Variants in RAB5C observed in about 807,000 individuals in gnomAD.
RAB5C encodes the protein ras-related protein Rab-5C.
Under a neutral mutation model 25.2 loss-of-function variants are expected in RAB5C, and 4 were observed. That is an observed-to-expected ratio of 0.16 (90% CI 0.08 to 0.36). The LOEUF is 0.36. Ranked by LOEUF, RAB5C falls within the 10% of genes least tolerant of loss-of-function variation. RAB5C has a pLI of 1.00. For synonymous variants in RAB5C, 100 were observed against 106.4 expected (o/e 0.94, Z 0.37); for missense variants, 199 against 283.8 (o/e 0.70, Z 2.15).
chr17:42,146,203 A>G (rs1417667756), intron 1 of RAB5C, among the ~76,000 whole-genome samples: 2 of 152,184 alleles, frequency 1.3e-5, no homozygotes, highest in African/African-American at 4.8e-5. Flanking sequence ...AGAGGAGCCT[A>G]AAGAGACAAT....
chr17:42,152,639 C>T (rs924192434), intron 1 of RAB5C, among the ~76,000 whole-genome samples: 6 of 151,694 alleles, frequency 4.0e-5, no homozygotes, highest in South Asian at 4.2e-4. Flanking sequence ...ATTAGCTGGG[C>T]GTGGTGGTGC....
At chr17:42,132,347 T>C (rs2054494314) in intron 1 of RAB5C, among the ~76,000 whole-genome samples, 1 of 152,128 alleles carries the variant, frequency 6.6e-6, no homozygotes, top group South Asian at 2.1e-4. Flanking sequence ...GGGTGGTGGG[T>C]CTCAATTAGC....
chr17:42,153,400 G>C (rs1263550288), intron 1 of RAB5C, among the ~76,000 whole-genome samples: 1 of 152,138 alleles, frequency 6.6e-6, no homozygotes, highest in East Asian at 1.9e-4. Context: ...CTGGGCGACA[G>C]AGCAAGACTC....
intron 1 of RAB5C, 146 bp from the exon 2 acceptor site, chr17:42,130,736 G>C (rs925158881): frequency 3.1e-6 from 3 of 977,858 alleles, no homozygotes; most frequent in African/African-American, 3.3e-5. Flanking sequence ...CTCCCCACTA[G>C]AGGTCAGGAG....
rs2054409983 is a variant in RAB5C at position 42,125,520 on chromosome 17, A to AG, written c.*262dup. On this transcript the variant is annotated 3_prime_UTR_variant, in exon 6 of 6. Transcript: ENST00000346213. ...AAGGGAAAATGGGAGAGCAGTAGAA[A>AG]GGGGAGGAAGTGGGAAGAGCAGAAG... 9.9e-6 allele frequency: 4 copies of AG among 405,400 alleles called. No homozygotes were observed. 25.1% of individuals were successfully genotyped at this position (405,400 alleles called of 1,614,324 possible). A position where few individuals can be genotyped will look rare whatever the true frequency, so the allele number is the denominator to read the frequency against.
chr17:42,131,082 G>A (rs943113877), intron 1 of RAB5C, among the ~76,000 whole-genome samples: 1 of 152,164 alleles, frequency 6.6e-6, no homozygotes, highest in African/African-American at 2.4e-5. Context: ...AAGAGGTCCT[G>A]GTAGAAAGCT....
chr17:42,140,501 ATATATATATATATATTTTTTTTT>A (rs1214787092), intron 1 of RAB5C, among the ~76,000 whole-genome samples: 1,224 of 50,974 alleles, frequency 0.024, 22 homozygotes, highest in African/African-American at 0.13. Context: ...ATATATATAT[ATATATATATATATATTTTTTTTT>A]TTTTTTTTTT....
chr17:42,139,782 C>A (rs928445904), intron 1 of RAB5C, among the ~76,000 whole-genome samples: 1 of 152,184 alleles, frequency 6.6e-6, no homozygotes, highest in African/African-American at 2.4e-5. Flanking sequence ...AATCTTTCTG[C>A]AGCCCAGAAC....
chr17:42,153,225 G>A (rs896436660), intron 1 of RAB5C, among the ~76,000 whole-genome samples: 5 of 152,114 alleles, frequency 3.3e-5, no homozygotes, highest in African/African-American at 7.2e-5. Flanking sequence ...AGACCAGCCC[G>A]GCCAACATGG....
chr17:42,150,201 A>G (rs912804282), intron 1 of RAB5C, among the ~76,000 whole-genome samples: 2 of 151,484 alleles, frequency 1.3e-5, no homozygotes, highest in South Asian at 4.2e-4. Flanking sequence ...CTGGTCTTGA[A>G]CTCCTGGGAT....
intron 1 of RAB5C, chr17:42,137,937 C>T (rs1568021676): frequency 6.6e-6 from 1 of 150,970 alleles, no homozygotes; most frequent in Non-Finnish European, 1.5e-5. Context: ...AAAAGACCAA[C>T]GGAGAACAAA....
chr17:42,140,652 T>C (rs1018955169), intron 1 of RAB5C, among the ~76,000 whole-genome samples: 1 of 151,052 alleles, frequency 6.6e-6, no homozygotes, highest in East Asian at 1.9e-4. Flanking sequence ...GCCTCCTGAG[T>C]AGCTGGGATT....
intron 1 of RAB5C, among the ~76,000 whole-genome samples, chr17:42,138,979 T>C (rs1342859591): frequency 6.6e-6 from 1 of 152,192 alleles, no homozygotes; most frequent in African/African-American, 2.4e-5. Flanking sequence ...TCCAGGACTC[T>C]ACCCCAGCAG....
chr17:42,129,332 C>T (rs2054462626), intron 2 of RAB5C, among the ~76,000 whole-genome samples: 2 of 152,108 alleles, frequency 1.3e-5, no homozygotes, highest in African/African-American at 4.8e-5. Context: ...GCTGGGTGGC[C>T]GGCTTCCCAA....
At chr17:42,150,544 CAAAAAAAAAAAAAAAAAA>C (rs759878778) in intron 1 of RAB5C, among the ~76,000 whole-genome samples, 1 of 19,388 alleles carries the variant, frequency 5.2e-5, no homozygotes, top group African/African-American at 2.4e-4. Context: ...AACTCCATCT[CAAAAAAAAAAAAAAAAAA>C]AAAAAAAAAA....
At chr17:42,131,832 A>G in intron 1 of RAB5C, 2 of 521,544 alleles carry the variant, frequency 3.8e-6, no homozygotes, top group South Asian at 4.5e-5. Flanking sequence ...TCTAGAAGAC[A>G]TAAGTGGATG....
chr17:42,130,256 G>C, intron 2 of RAB5C, 81 bp downstream of exon 2: 1 of 1,522,222 alleles, frequency 6.6e-7, no homozygotes, highest in Non-Finnish European at 8.9e-7. Context: ...AATGCAGGCA[G>C]GCAGCTTCCC....
At chr17:42,149,153 C>T (rs974204766) in intron 1 of RAB5C, among the ~76,000 whole-genome samples, 1 of 152,190 alleles carries the variant, frequency 6.6e-6, no homozygotes, top group Non-Finnish European at 1.5e-5. Context: ...GATTTTGGCA[C>T]ATCCTAGTTT....
chr17:42,151,094 T>TA (rs1329731724), intron 1 of RAB5C, among the ~76,000 whole-genome samples: 3 of 152,294 alleles, frequency 2.0e-5, no homozygotes, highest in Middle Eastern at 3.4e-3. Context: ...TCTGAAGTTC[T>TA]AGTGCCTTCC....
Sources: gnomAD v4.1 joint callset for allele counts (sites outside exome capture counted in the v4.1 genomes callset) on GRCh38, gnomAD v4.1.1 for gene constraint, MANE v1.5 for transcripts, NCBI Gene and HGNC (gene_info 2026-07-23, HGNC 2026-07-21) for gene names.